The following KDM5A variants were observed in gnomAD, a reference collection of about 807,000 sequenced individuals.
KDM5A encodes the protein lysine-specific demethylase 5A.
In KDM5A, 42 loss-of-function variants were observed where a neutral mutation model predicts 193.5. The observed-to-expected ratio is 0.22, with a 90% CI of 0.17 to 0.28. The LOEUF (loss-of-function observed/expected upper bound fraction) is 0.28, where lower values mean the gene tolerates loss of function less well. Among genes scored for constraint, KDM5A ranks in the 10% least tolerant of loss-of-function variants. KDM5A has a pLI of 1.00. For synonymous variants in KDM5A, 796 were observed against 718.1 expected (o/e 1.11, Z -1.73); for missense variants, 1,692 against 2,055.1 (o/e 0.82, Z 3.42).
chr12:389,164 C>T lies in KDM5A; in HGVS notation c.-73G>A, dbSNP rs2137509152. 2 of 1,392,936 alleles carry T rather than the reference C, an allele frequency of 1.4e-6. No homozygotes were observed. Among genetic ancestry groups the T allele is most frequent in the African/African-American group, 1.4e-5 (1 of 71,920 alleles). The allele number at this position is 1,392,936 out of a possible 1,614,324, so 86.3% of individuals were successfully genotyped here. On this transcript the variant is annotated 5_prime_UTR_variant, in exon 1 of 28. Coordinates refer to ENST00000399788, the MANE Select transcript of KDM5A (RefSeq NM_001042603.3). ...AAAAGCTGGCTGAAGCCCACTAAGCCCGTTCAAGTCCCCTGACAGAGGCCG... is the reference window on the plus strand; with the variant it reads ...AAAAGCTGGCTGAAGCCCACTAAGCTCGTTCAAGTCCCCTGACAGAGGCCG...
In KDM5A at chr12:284,024, A is replaced by C. The variant is rs1298604303; in HGVS notation, c.*1432T>G. On this transcript the variant is annotated 3_prime_UTR_variant, in exon 28 of 28. Coordinates refer to ENST00000399788, the MANE Select transcript of KDM5A (RefSeq NM_001042603.3). Reference sequence around the variant, plus strand: ...CAGACAGGGACAAGTCCCAACACACAAAGGACATATAATTATCTATATGAA... The same window carrying C: ...CAGACAGGGACAAGTCCCAACACACCAAGGACATATAATTATCTATATGAA... 2 of 233,242 alleles carry C rather than the reference A, an allele frequency of 8.6e-6. No individual in the cohort carries two copies. The highest frequency in any genetic ancestry group is 4.4e-5 in the African/African-American group (2 of 45,326). The allele number at this position is 233,242 out of a possible 1,614,324, so 14.4% of individuals were successfully genotyped here.
intron 4 of KDM5A, among the ~76,000 whole-genome samples, chr12:364,601 C>T (rs866660276): frequency 1.6e-4 from 24 of 151,648 alleles, no homozygotes; most frequent in African/African-American, 7.3e-5. Flanking sequence ...CTGGCTAACA[C>T]GGTGAAACTC....
chr12:379,265 C>G (rs760333060), intron 3 of KDM5A, among the ~76,000 whole-genome samples: 1 of 151,890 alleles, frequency 6.6e-6, no homozygotes, highest in Non-Finnish European at 1.5e-5. Flanking sequence ...AACATCTCAA[C>G]TCTCAGTATT....
intron 19 of KDM5A, among the ~76,000 whole-genome samples, chr12:315,275 C>G (rs918003085): frequency 6.6e-6 from 1 of 152,166 alleles, no homozygotes; most frequent in Non-Finnish European, 1.5e-5. Flanking sequence ...AAAAGTCCTT[C>G]AAGAATGAGG....
Position 389,208 on chromosome 12 carries a change from A to C in KDM5A, c.-117T>G. ...GAGGCCGAAGCGCATCTTCGCGGACAAGAACCGTTCAACACAGAAACCCCA... is the reference window on the plus strand; with the variant it reads ...GAGGCCGAAGCGCATCTTCGCGGACCAGAACCGTTCAACACAGAAACCCCA... On this transcript the variant is annotated 5_prime_UTR_variant, in exon 1 of 28. Coordinates refer to ENST00000399788, the MANE Select transcript of KDM5A (RefSeq NM_001042603.3). The C allele has an allele frequency of 1.0e-6, 1 of 986,976 alleles. No individual in the cohort carries two copies. Among genetic ancestry groups the C allele is most frequent in the Non-Finnish European group, 1.6e-6 (1 of 617,262 alleles). 61.1% of individuals were successfully genotyped at this position (986,976 alleles called of 1,614,324 possible).
Position 353,705 on chromosome 12 carries a change from G to A in KDM5A, c.1029+371C>T, listed in dbSNP as rs1029817504. Among the ~76,000 whole-genome samples the A allele has an allele frequency of 2.6e-5, 4 of 152,020 alleles. No individual in the cohort carries two copies. In the East Asian group the frequency reaches 5.8e-4, roughly 22 times the overall value. ...TGGGAAGCCGAGACAGGCAGATTAC[G>A]AGGTCAAGAGACCGAGACTATCCTG... On this transcript the variant is annotated intron_variant, in intron 8 of 27. Coordinates refer to ENST00000399788, the MANE Select transcript of KDM5A (RefSeq NM_001042603.3).
chr12:341,109 G>A (rs1388768766), intron 10 of KDM5A, among the ~76,000 whole-genome samples: 1 of 152,150 alleles, frequency 6.6e-6, no homozygotes, highest in East Asian at 1.9e-4. Flanking sequence ...CTCAGAAAAT[G>A]TAAATATCTG....
intron 26 of KDM5A, among the ~76,000 whole-genome samples, chr12:294,496 T>C (rs1336492391): frequency 6.6e-6 from 1 of 152,192 alleles, no homozygotes; most frequent in East Asian, 1.9e-4. Context: ...TCTTAATACT[T>C]TGTGCTTCCT....
chr12:338,129 A>C (rs1231359229), intron 10 of KDM5A, among the ~76,000 whole-genome samples: 2 of 152,194 alleles, frequency 1.3e-5, no homozygotes, highest in South Asian at 2.1e-4. Flanking sequence ...GTGTCCTTTG[A>C]AAGGCCTACT....
At chr12:362,891 A>G (rs1944309307) in intron 5 of KDM5A, 72 bp downstream of exon 5, 16 of 1,452,312 alleles carry the variant, frequency 1.1e-5, no homozygotes, top group Non-Finnish European at 1.5e-5. Context: ...CAAGGAGTTC[A>G]AGGCTAGCCT....
Position 333,649 on chromosome 12 carries a change from C to A in KDM5A, c.1491G>T (p.Trp497Cys), listed in dbSNP as rs1467665704. The A allele has an allele frequency of 1.2e-6, 2 of 1,614,024 alleles. No individual in the cohort carries two copies. The highest frequency in any genetic ancestry group is 8.5e-7 in the Non-Finnish European group (1 of 1,179,912). Residue 497 changes from tryptophan (W) to cysteine (C), a missense_variant and splice_region_variant, in exon 12 of 28, where the codon TGG (tryptophan) becomes TGT (cysteine). Trp to Cys is a radical substitution (Grantham distance 215, BLOSUM62 -2). Around this residue, in one of 11 missense-constraint regions of KDM5A, gnomAD observed 172 missense variants for 260.3 expected, o/e 0.66. Coordinates refer to ENST00000399788, the MANE Select transcript of KDM5A (RefSeq NM_001042603.3). Reference sequence around the variant, plus strand: ...CACCATACCATGTCTTTGGCTCCCCCCTAGCAAAAGAAGTAACTGTTTAGC... The same window carrying A: ...CACCATACCATGTCTTTGGCTCCCCACTAGCAAAAGAAGTAACTGTTTAGC... Reference protein sequence around the residue: ...HWSYSINYLHWGEPKTWYGVP... With the variant: ...HWSYSINYLHCGEPKTWYGVP...
chr12:300,149 C>G (rs545729477), intron 24 of KDM5A, among the ~76,000 whole-genome samples: 2 of 151,976 alleles, frequency 1.3e-5, no homozygotes, highest in Non-Finnish European at 2.9e-5. Context: ...ACAAGGATAT[C>G]CAGGAACTGA....
chr12:365,322 G>A (rs1213394447), intron 4 of KDM5A, among the ~76,000 whole-genome samples: 1 of 152,184 alleles, frequency 6.6e-6, no homozygotes, highest in Non-Finnish European at 1.5e-5. Flanking sequence ...CCACAGTGCT[G>A]AGATTACAGG....
chr12:314,009 T>C (rs1591908471), intron 19 of KDM5A, among the ~76,000 whole-genome samples: 1 of 150,898 alleles, frequency 6.6e-6, no homozygotes. Context: ...GGAAAAAGAG[T>C]GGGGCAGGAA....
intron 3 of KDM5A, among the ~76,000 whole-genome samples, chr12:382,498 C>A (rs1454759513): frequency 1.3e-5 from 2 of 150,570 alleles, no homozygotes; most frequent in African/African-American, 4.9e-5. Context: ...CTAAAAGTAA[C>A]TGCAATTTAA....
chr12:356,579 T>C (rs2137458257), intron 5 of KDM5A, 42 bp from the exon 6 acceptor site: 1 of 1,244,878 alleles, frequency 8.0e-7, no homozygotes, highest in Non-Finnish European at 1.2e-6. Context: ...ATCATGCTGA[T>C]TCATGCATTA....
At chr12:348,639 T>A (rs966522836) in intron 10 of KDM5A, among the ~76,000 whole-genome samples, 2 of 152,084 alleles carry the variant, frequency 1.3e-5, no homozygotes, top group African/African-American at 4.8e-5. Flanking sequence ...GAAACCATCA[T>A]TCTCAGCAAA....
rs188711465 is a variant in KDM5A, at chr12:346,322, T to C, written c.1308+4299A>G. Among the ~76,000 whole-genome samples, 445 of 152,280 alleles carry C rather than the reference T, an allele frequency of 2.9e-3. 2 individuals are homozygous for C. The highest frequency in any genetic ancestry group is 5.1e-3 in the Non-Finnish European group (349 of 68,038). On this transcript the variant is annotated intron_variant, in intron 10 of 27. Transcript: ENST00000399788. ...GGACCAGATGGATTCACAGCCAAAT[T>C]CTACCAGAGGTACAAAGAGGAGCTG...
intron 4 of KDM5A, among the ~76,000 whole-genome samples, chr12:363,616 A>G (rs1340314816): frequency 6.6e-6 from 1 of 152,152 alleles, no homozygotes; most frequent in Non-Finnish European, 1.5e-5. Flanking sequence ...CATACTATAC[A>G]CACAAAAAAA....
Sources: gnomAD v4.1 joint callset for allele counts (sites outside exome capture counted in the v4.1 genomes callset) on GRCh38, gnomAD v4.1.1 for gene constraint, gnomAD v4.1.1 regional missense constraint, MANE v1.5 for transcripts, NCBI Gene and HGNC (gene_info 2026-07-23, HGNC 2026-07-21) for gene names.